Variants in CREB5 observed in about 807,000 individuals in gnomAD.
CREB5 encodes cAMP responsive element binding protein 5, also known as cyclic AMP-responsive element-binding protein 5.
CREB5 carries 19 observed loss-of-function variants against 57.1 expected under a neutral mutation model. That is an observed-to-expected ratio of 0.33 (90% CI 0.23 to 0.49). The LOEUF (loss-of-function observed/expected upper bound fraction) is 0.49. CREB5 is among the 20% of genes least tolerant of loss of function. The pLI is 0.99. For missense variants in CREB5, 579 were observed against 671.6 expected (o/e 0.86, Z 1.52); for synonymous variants, 238 against 238.3 (o/e 1.00, Z 0.01).
At chr7:28,740,555 A>G (rs1804272757) in intron 7 of CREB5, among the ~76,000 whole-genome samples, 1 of 151,980 alleles carries the variant, frequency 6.6e-6, no homozygotes, top group Non-Finnish European at 1.5e-5. Flanking sequence ...GAATGACAGA[A>G]AAGGATCGTC....
At chr7:28,780,541 G>T (rs1806913462) in intron 7 of CREB5, among the ~76,000 whole-genome samples, 1 of 152,086 alleles carries the variant, frequency 6.6e-6, no homozygotes, top group South Asian at 2.1e-4. Flanking sequence ...GCCCAATGTG[G>T]TGAAACCCTG....
At chr7:28,775,202 C>T (rs192771378) in intron 7 of CREB5, among the ~76,000 whole-genome samples, 113 of 152,198 alleles carry the variant, frequency 7.4e-4, no homozygotes, top group Admixed American at 2.4e-3. Context: ...TTTTCGTACA[C>T]TATTCCCGTT....
At chr7:28,739,327 A>G (rs191417692) in intron 7 of CREB5, among the ~76,000 whole-genome samples, 163 of 152,352 alleles carry the variant, frequency 1.1e-3, no homozygotes, top group Non-Finnish European at 1.9e-3. Context: ...CACATAGATA[A>G]GGAACATTTC....
At chr7:28,602,625 A>G (rs994648901) in intron 5 of CREB5, among the ~76,000 whole-genome samples, 3 of 152,202 alleles carry the variant, frequency 2.0e-5, no homozygotes, top group Non-Finnish European at 2.9e-5. Context: ...ATTATATGCT[A>G]TATGATTTCA....
At chr7:28,601,013 T>C (rs1240893390) in intron 5 of CREB5, among the ~76,000 whole-genome samples, 1 of 152,100 alleles carries the variant, frequency 6.6e-6, no homozygotes, top group Non-Finnish European at 1.5e-5. Flanking sequence ...CACTTTCTAG[T>C]TGGGGGCATT....
chr7:28,795,467 G>A (rs1807973731), intron 7 of CREB5, among the ~76,000 whole-genome samples: 1 of 152,194 alleles, frequency 6.6e-6, no homozygotes, highest in Non-Finnish European at 1.5e-5. Context: ...AAGAAAAGGA[G>A]GGTACCAGTA....
intron 4 of CREB5, among the ~76,000 whole-genome samples, chr7:28,568,088 G>A (rs1460767902): frequency 1.3e-5 from 2 of 152,158 alleles, no homozygotes; most frequent in East Asian, 1.9e-4. Context: ...GATGGCAGTT[G>A]GTTATAGGTT....
At chr7:28,370,918 T>G (rs1303547875) in intron 1 of CREB5, among the ~76,000 whole-genome samples, 1 of 152,130 alleles carries the variant, frequency 6.6e-6, no homozygotes, top group Non-Finnish European at 1.5e-5. Context: ...GAAGCAGCAG[T>G]AAAAATGCAA....
chr7:28,380,324 C>T lies in CREB5; in HGVS notation c.-25+80883C>T, dbSNP rs1031596927. 2.0e-5 allele frequency among the ~76,000 whole-genome samples: 3 copies of T among 152,172 alleles called. No individual in the cohort carries two copies. In the South Asian group the frequency reaches 6.2e-4, roughly 32 times the overall value. ...CATCTAGTGTCTGCACACTACTATG[C>T]TATCCTTCGTGGAGGCTGCTCATCA... On this transcript the variant is annotated intron_variant, in intron 1 of 9. Transcript: ENST00000396299.
rs1459819825 is a variant in CREB5, at chr7:28,455,668, T to C, written c.4-32507T>C. ...TGAATACTGCGCTTTGGGGCTTTGA[T>C]GCTTCATGGAGGAATGCGGGGTTAA... On this transcript the variant is annotated intron_variant, in intron 1 of 10. Coordinates refer to ENST00000357727, the MANE Select transcript of CREB5 (RefSeq NM_182898.4). 2.6e-5 allele frequency among the ~76,000 whole-genome samples: 4 copies of C among 151,624 alleles called. No homozygotes were observed. In the East Asian group the frequency reaches 5.9e-4, roughly 22 times the overall value.
At chr7:28,586,352 C>T (rs1375559856) in intron 5 of CREB5, among the ~76,000 whole-genome samples, 1 of 152,082 alleles carries the variant, frequency 6.6e-6, no homozygotes, top group Non-Finnish European at 1.5e-5. Flanking sequence ...TGGGAGGGGC[C>T]CAGGGTGTTC....
chr7:28,560,863 T>TGTGTGC lies in CREB5; in HGVS notation c.292-9501_292-9500insTGTGCG, dbSNP rs1795115369. Among the ~76,000 whole-genome samples, 5 of 24,214 alleles carry TGTGTGC rather than the reference T, an allele frequency of 2.1e-4. 1 individual carries two copies. Among genetic ancestry groups the TGTGTGC allele is most frequent in the African/African-American group, 4.5e-4 (3 of 6,684 alleles). The allele number at this position is 24,214 out of a possible 152,430, so 15.9% of individuals were successfully genotyped here. ...GTGTGTGCGCGTGTGTGTGTGCGTG[T>TGTGTGC]GCCTGCGTGCGCGTGCGTGCGTGCG... On this transcript the variant is annotated intron_variant, in intron 4 of 10. Coordinates refer to ENST00000357727, the MANE Select transcript of CREB5 (RefSeq NM_182898.4).
chr7:28,524,773 G>A lies in CREB5; in HGVS notation c.291+17036G>A, dbSNP rs907983284. Reference sequence around the variant, plus strand: ...TTATTTTGATACATGCATAGAATATGTAGTGATCAAGTAGGGTTATTTAGG... The same window carrying A: ...TTATTTTGATACATGCATAGAATATATAGTGATCAAGTAGGGTTATTTAGG... On this transcript the variant is annotated intron_variant, in intron 4 of 10. Transcript: ENST00000357727. Among the ~76,000 whole-genome samples the A allele has an allele frequency of 7.9e-5, 12 of 152,278 alleles. No homozygotes were observed. The South Asian group carries it at 2.5e-3, about 32-fold the overall frequency.
At chr7:28,534,352 C>T (rs991611954) in intron 4 of CREB5, among the ~76,000 whole-genome samples, 13 of 152,222 alleles carry the variant, frequency 8.5e-5, no homozygotes, top group Non-Finnish European at 1.2e-4. Context: ...CTCAGCCCAC[C>T]CTGCGTCCTC....
chr7:28,658,957 A>ATATATATATATATATGTGTG (rs1799456015), intron 5 of CREB5, among the ~76,000 whole-genome samples: 1 of 111,812 alleles, frequency 8.9e-6, no homozygotes, highest in African/African-American at 4.7e-5. Context: ...GTGTGTGTAT[A>ATATATATATATATATGTGTG]TATATATATA....
intron 4 of CREB5, among the ~76,000 whole-genome samples, chr7:28,560,981 CGTGCGTGTGTGTGCCT>C (rs1795227380): frequency 4.5e-5 from 1 of 22,434 alleles, no homozygotes; most frequent in Admixed American, 5.3e-4. Flanking sequence ...TGCGTGTGTG[CGTGCGTGTGTGTGCCT>C]GCGTGTGCGT....
chr7:28,743,232 T>C (rs1204828433), intron 7 of CREB5, among the ~76,000 whole-genome samples: 1 of 152,126 alleles, frequency 6.6e-6, no homozygotes, highest in Non-Finnish European at 1.5e-5. Context: ...TTAGAAAACT[T>C]AGAAAAAGAT....
chr7:28,615,401 C>A (rs1163535053), intron 5 of CREB5: 1 of 152,410 alleles, frequency 6.6e-6, no homozygotes, highest in Non-Finnish European at 1.5e-5. Flanking sequence ...GGAGGTGCGC[C>A]AGAGCCACGG....
chr7:28,408,047 A>T (rs1020378111), upstream of CREB5, among the ~76,000 whole-genome samples: 1 of 152,178 alleles, frequency 6.6e-6, no homozygotes, highest in Non-Finnish European at 1.5e-5. Context: ...AACCACCAAT[A>T]ACCCACAAGA....
Sources: gnomAD v4.1 joint callset for allele counts (sites outside exome capture counted in the v4.1 genomes callset) on GRCh38, gnomAD v4.1.1 for gene constraint, MANE v1.5 for transcripts, NCBI Gene and HGNC (gene_info 2026-07-23, HGNC 2026-07-21) for gene names.